SLC23A3: variants seen among roughly 807,000 people sequenced by gnomAD.
The protein encoded by SLC23A3 is solute carrier family 23 member 3.
SLC23A3 carries 41 observed loss-of-function variants against 64.7 expected under a neutral mutation model. That is an observed-to-expected ratio of 0.63 (90% CI 0.49 to 0.82). SLC23A3 has a LOEUF of 0.82. Ranked by LOEUF, SLC23A3 falls within the 40% of genes least tolerant of loss-of-function variation. The pLI is 0.00. For missense variants in SLC23A3, 647 were observed against 733.4 expected (o/e 0.88, Z 1.36); for synonymous variants, 281 against 306.8 (o/e 0.92, Z 0.88).
Position 219,168,818 on chromosome 2 carries a change from C to G in SLC23A3, c.508G>C (p.Val170Leu), listed in dbSNP as rs371095259. The change falls in exon 5 of 12, where the codon GTA becomes CTA. Residue 170 changes from valine (V) to leucine (L), a missense_variant. Transcript: ENST00000409878. Reference protein sequence around the residue: ...TSLQEVSGAVVVSGLLQGMMG... With the variant: ...TSLQEVSGAVLVSGLLQGMMG... ...ATGCCCTGCAGCAGCCCAGATACTA[C>G]CACTGCCCCGGACACCTGGTAGAAG... 48 of 1,589,294 alleles carry G rather than the reference C, an allele frequency of 3.0e-5. No homozygotes were observed. In the African/African-American group the frequency reaches 5.8e-4, roughly 19 times the overall value.
Position 219,164,332 on chromosome 2 carries a change from A to G in SLC23A3, c.1174T>C (p.Ser392Pro). Residue 392 changes from serine (S) to proline (P), a missense_variant, in exon 9 of 12, where the codon TCT becomes CCT. Physicochemically the swap from Ser to Pro is moderately conservative, Grantham distance 74 (BLOSUM62 -1). Transcript: ENST00000409878. ...CCCACTAAGTGAGCCACTTGCTGAG[A>G]TCCAGCCTGCATGAAGAAAAGACAC... ...VGKVGLIQAG[S>P]QQVAHLVGLL... 1.9e-6 allele frequency: 3 copies of G among 1,593,488 alleles called. No individual in the cohort carries two copies. Among genetic ancestry groups the G allele is most frequent in the Non-Finnish European group, 1.7e-6 (2 of 1,169,762 alleles).
In SLC23A3 at chr2:219,169,872, G is replaced by T; in HGVS notation, c.113C>A (p.Pro38His). The T allele has an allele frequency of 6.2e-7, 1 of 1,613,758 alleles. No individual in the cohort carries two copies. Among genetic ancestry groups the T allele is most frequent in the Non-Finnish European group, 8.5e-7 (1 of 1,179,872 alleles). The change falls in exon 1 of 12, where the codon CCT becomes CAT. Residue 38 changes from proline (P) to histidine (H), a missense_variant. Pro to His is a moderately conservative substitution (Grantham distance 77). Transcript: ENST00000409878. The surrounding 1 kb of genome is among the most constrained non-coding windows in gnomAD (Gnocchi z 4.5). ...PQNPSTHSWDPLCGSLPWGLS... is the reference protein window; with the variant it reads ...PQNPSTHSWDHLCGSLPWGLS... ...GCCCCAAGGCAGAGATCCACACAAA[G>T]GGTCCCAAGAGTGGGTGGAGGGATT... is the stretch of plus-strand genomic sequence containing the variant.
chr2:219,163,695 T>G (rs557270814), intron 9 of SLC23A3, 140 bp from the exon 10 acceptor site: 216 of 858,782 alleles, frequency 2.5e-4, no homozygotes, highest in South Asian at 5.2e-4. Flanking sequence ...TGTTTTTTTG[T>G]TTTTTTGGTT....
intron 8 of SLC23A3, chr2:219,164,772 C>G (rs149471676): frequency 2.8e-5 from 7 of 251,316 alleles, no homozygotes; most frequent in African/African-American, 1.4e-4. Flanking sequence ...GTTGGCCAGG[C>G]TGGTCTTGAA....
Position 219,162,012 on chromosome 2 carries a change from T to G in SLC23A3, c.1730A>C (p.Glu577Ala). Residue 577 changes from glutamate to alanine, a missense_variant, in exon 12 of 12, where the codon GAG becomes GCG. Glu to Ala is a moderately radical substitution (Grantham distance 107). Transcript: ENST00000409878. Reference sequence around the variant, plus strand: ...TTCTGGCTCAGAGGAGCCTCCTTCCTCATCCCCAGGGTCTTCAGGCAGTGG... The same window carrying G: ...TTCTGGCTCAGAGGAGCCTCCTTCCGCATCCCCAGGGTCTTCAGGCAGTGG... The part of the protein sequence containing the change: ...LCPLPEDPGD[E>A]EGGSSEPEEM... 6.2e-7 allele frequency: 1 copy of G among 1,614,118 alleles called. No homozygotes were observed. The highest frequency in any genetic ancestry group is 8.5e-7 in the Non-Finnish European group (1 of 1,180,010).
At position 219,161,908 on chromosome 2, in the gene SLC23A3, G is replaced by A. The variant is rs1284401506; in HGVS notation, c.*1C>T. Reference sequence around the variant, plus strand: ...AACCAGGGCAGAAGTAGGCGTTCTGGTCATTTCTGGGACCTAAACCCTTCT... The same window carrying A: ...AACCAGGGCAGAAGTAGGCGTTCTGATCATTTCTGGGACCTAAACCCTTCT... On this transcript the variant is annotated 3_prime_UTR_variant, in exon 12 of 12. Transcript: ENST00000409878. 1.3e-6 allele frequency: 2 copies of A among 1,540,946 alleles called. No individual in the cohort carries two copies. Among genetic ancestry groups the A allele is most frequent in the Admixed American group, 2.1e-5 (1 of 47,226 alleles).
At chr2:219,166,754 G>A (rs1950009159) in intron 7 of SLC23A3, among the ~76,000 whole-genome samples, 1 of 151,408 alleles carries the variant, frequency 6.6e-6, no homozygotes, top group African/African-American at 2.4e-5. Context: ...GGCTGCTCTC[G>A]AAATCCTTGC....
In SLC23A3 at chr2:219,161,884, A is replaced by G; in HGVS notation, c.*25T>C. The G allele has an allele frequency of 3.9e-6, 6 of 1,520,578 alleles. No homozygotes were observed. Among genetic ancestry groups the G allele is most frequent in the Non-Finnish European group, 5.3e-6 (6 of 1,135,626 alleles). 94.2% of individuals were successfully genotyped at this position (1,520,578 alleles called of 1,614,324 possible). On this transcript the variant is annotated 3_prime_UTR_variant, in exon 12 of 12. Coordinates refer to ENST00000409878, the MANE Select transcript of SLC23A3 (RefSeq NM_001144889.2). ...GCAGATGAGAGTTAGGGCTAAATTA[A>G]CCAGGGCAGAAGTAGGCGTTCTGGT...
Position 219,169,860 on chromosome 2 carries a change from G to T in SLC23A3, c.125C>A (p.Ser42Tyr), listed in dbSNP as rs1950044066. Residue 42 changes from serine (S) to tyrosine (Y), a missense_variant, in exon 1 of 12, where the codon TCT becomes TAT. By Grantham distance (144) the Ser-to-Tyr change is moderately radical. Coordinates refer to ENST00000409878, the MANE Select transcript of SLC23A3 (RefSeq NM_001144889.2). The surrounding 1 kb of genome is among the most constrained non-coding windows in gnomAD (Gnocchi z 4.5). ...STHSWDPLCG[S>Y]LPWGLSCLLA... ...AAGACAGCTGAGGCCCCAAGGCAGA[G>T]ATCCACACAAAGGGTCCCAAGAGTG... 1.9e-6 allele frequency: 3 copies of T among 1,613,830 alleles called. No homozygotes were observed. Among genetic ancestry groups the T allele is most frequent in the Admixed American group, 1.7e-5 (1 of 59,942 alleles).
chr2:219,167,214 G>C (rs1950012190), intron 7 of SLC23A3, among the ~76,000 whole-genome samples: 1 of 152,094 alleles, frequency 6.6e-6, no homozygotes, highest in Non-Finnish European at 1.5e-5. Flanking sequence ...AGCCATGTTT[G>C]CATCAATGCT....
intron 7 of SLC23A3, among the ~76,000 whole-genome samples, chr2:219,167,268 TTAAA>T (rs1002655110): frequency 2.0e-5 from 3 of 151,956 alleles, no homozygotes; most frequent in Admixed American, 2.0e-4. Context: ...AAAAAGTAAA[TTAAA>T]TAAATAAATA....
intron 9 of SLC23A3, 74 bp downstream of exon 9, chr2:219,164,159 C>A: frequency 2.1e-6 from 2 of 964,920 alleles, no homozygotes; most frequent in South Asian, 1.5e-5. Context: ...GGAAAGGGTG[C>A]CATCCTAAAG....
In SLC23A3 at chr2:219,164,258, G is replaced by A. The variant is rs1949981585; in HGVS notation, c.1248C>T (p.Leu416=). The A allele has an allele frequency of 1.9e-6, 3 of 1,609,290 alleles. No individual in the cohort carries two copies. Among genetic ancestry groups the A allele is most frequent in the African/African-American group, 1.3e-5 (1 of 74,774 alleles). ...CAACAACAGGCAGTGGGATGGTGGT[G>A]AGGAGCTGAGCCAACCTGGGGGAGA... The part of the protein sequence containing the change: ...LGLSPRLAQL[L]TTIPLPVVGG... Residue 416 remains leucine, a synonymous_variant, in exon 9 of 12, where the codon CTC becomes CTT. Coordinates refer to ENST00000409878, the MANE Select transcript of SLC23A3 (RefSeq NM_001144889.2).
At chr2:219,167,804 T>C (rs1950018463) in intron 7 of SLC23A3, 126 bp downstream of exon 7, 2 of 753,386 alleles carry the variant, frequency 2.7e-6, no homozygotes, top group South Asian at 1.8e-5. Flanking sequence ...AGACTGATAA[T>C]TTCTCTCTCC....
At position 219,169,644 on chromosome 2, in the gene SLC23A3, G is replaced by C; in HGVS notation, c.197C>G (p.Ser66Cys). Reference sequence around the variant, plus strand: ...GAGACTGCAAAGCAGGAGCAGGTGGGAGACACAGAGCAGAGAAGCCATGAC... The same window carrying C: ...GAGACTGCAAAGCAGGAGCAGGTGGCAGACACAGAGCAGAGAAGCCATGAC... ...VLVMASLLCV[S>C]HLLLLCSLSP... The change falls in exon 2 of 12, where the codon TCC (serine) becomes TGC (cysteine). Residue 66 changes from serine to cysteine, a missense_variant. By Grantham distance (112) the Ser-to-Cys change is moderately radical. Transcript: ENST00000409878. This position sits in a 1 kb window ranked among gnomAD's most constrained non-coding sequence, Gnocchi z 4.5. The C allele has an allele frequency of 6.2e-7, 1 of 1,614,170 alleles. No individual in the cohort carries two copies. The highest frequency in any genetic ancestry group is 8.5e-7 in the Non-Finnish European group (1 of 1,179,994).
rs763989453 is a variant in SLC23A3, at chr2:219,169,977, C to T, written c.8G>A (p.Arg3Gln). Reference protein sequence around the residue: MSRSPLNPSQLRS... With the variant: MSQSPLNPSQLRS... Reference sequence around the variant, plus strand: ...GAGTTGGCTGGGATTGAGGGGTGATCGGCTCATGCTGCCTTGCCTTTCGCT... The same window carrying T: ...GAGTTGGCTGGGATTGAGGGGTGATTGGCTCATGCTGCCTTGCCTTTCGCT... The change falls in exon 1 of 12, where the codon CGA (arginine) becomes CAA (glutamine). Residue 3 changes from arginine (R) to glutamine (Q), a missense_variant. Physicochemically the swap from Arg to Gln is conservative, Grantham distance 43. Coordinates refer to ENST00000409878, the MANE Select transcript of SLC23A3 (RefSeq NM_001144889.2). This position sits in a 1 kb window ranked among gnomAD's most constrained non-coding sequence, Gnocchi z 4.5. 9.9e-6 allele frequency: 16 copies of T among 1,613,722 alleles called. No individual in the cohort carries two copies. The highest frequency in any genetic ancestry group is 2.2e-5 in the East Asian group (1 of 44,876).
At position 219,165,392 on chromosome 2, in the gene SLC23A3, C is replaced by G; in HGVS notation, c.944G>C (p.Arg315Thr). ...GEWNWPLLTP[R>T]ALAAGISMAL... ...CATGGAGATGCCTGCAGCCAGAGCT[C>G]TGGGCGTCAGCAAAGGCCAATTCCA... Residue 315 changes from arginine (R) to threonine (T), a missense_variant, in exon 8 of 12, where the codon AGA (arginine) becomes ACA (threonine). Coordinates refer to ENST00000409878, the MANE Select transcript of SLC23A3 (RefSeq NM_001144889.2). 6.4e-7 allele frequency: 1 copy of G among 1,550,956 alleles called. No homozygotes were observed. Among genetic ancestry groups the G allele is most frequent in the Non-Finnish European group, 8.7e-7 (1 of 1,146,756 alleles).
intron 11 of SLC23A3, 43 bp from the exon 12 acceptor site, chr2:219,162,247 G>A: frequency 6.2e-7 from 1 of 1,613,630 alleles, no homozygotes; most frequent in Non-Finnish European, 8.5e-7. Context: ...ATCCCAGGGA[G>A]GGATGGCTTC....
Position 219,161,686 on chromosome 2 carries a change from A to C in SLC23A3, c.*223T>G. On this transcript the variant is annotated 3_prime_UTR_variant, in exon 12 of 12. Transcript: ENST00000409878. ...ATTGATAGTACACAGGCAAAATCTC[A>C]ATCATTCATGGTCCACTAAATCATG... 1 of 435,626 alleles carries C rather than the reference A, an allele frequency of 2.3e-6. No homozygotes were observed. The highest frequency in any genetic ancestry group is 3.8e-5 in the Admixed American group (1 of 26,262). The allele number at this position is 435,626 out of a possible 1,614,324, so 27.0% of individuals were successfully genotyped here.
Sources: allele counts gnomAD v4.1 joint callset (sites outside exome capture counted in the v4.1 genomes callset), GRCh38; gene constraint gnomAD v4.1.1; non-coding constraint Gnocchi (gnomAD v3.1); transcripts MANE v1.5; gene names NCBI Gene and HGNC (gene_info 2026-07-23, HGNC 2026-07-21).